Variants in CACNA2D3 observed in about 807,000 individuals in gnomAD.
CACNA2D3 encodes calcium voltage-gated channel auxiliary subunit alpha2delta 3, also known as voltage-dependent calcium channel subunit alpha-2/delta-3.
In CACNA2D3, 60 loss-of-function variants were observed where a neutral mutation model predicts 160.6. That is an observed-to-expected ratio of 0.37 (90% CI 0.30 to 0.46). The LOEUF (loss-of-function observed/expected upper bound fraction) is 0.46. Among genes scored for constraint, CACNA2D3 ranks in the 20% least tolerant of loss-of-function variants. The pLI is 1.00. For synonymous variants in CACNA2D3, 558 were observed against 492.9 expected, an observed-to-expected ratio of 1.13 and a Z score of -1.75; for missense variants, 1,205 against 1,365.0, an observed-to-expected ratio of 0.88 and a Z score of 1.85.
intron 2 of CACNA2D3, among the ~76,000 whole-genome samples, chr3:54,216,982 C>T (rs779617387): frequency 9.9e-5 from 15 of 152,140 alleles, no homozygotes; most frequent in Non-Finnish European, 1.5e-4. Flanking sequence ...GTGACAAGTG[C>T]GTGGAGAAGG....
chr3:54,661,096 G>C (rs567913154), intron 11 of CACNA2D3, among the ~76,000 whole-genome samples: 1 of 152,136 alleles, frequency 6.6e-6, no homozygotes, highest in Non-Finnish European at 1.5e-5. Context: ...GTAAGATGTC[G>C]AGGGAGGATT....
chr3:54,832,926 T>C (rs1214192485), intron 14 of CACNA2D3, among the ~76,000 whole-genome samples: 1 of 152,230 alleles, frequency 6.6e-6, no homozygotes, highest in Non-Finnish European at 1.5e-5. Context: ...CCTGTGTTGT[T>C]ATACTCTCTG....
rs188619197 is a variant in CACNA2D3 at position 54,309,082 on chromosome 3, A to C, written c.205-11360A>C. Among the ~76,000 whole-genome samples, 27 of 152,336 alleles carry C rather than the reference A, an allele frequency of 1.8e-4. No individual in the cohort carries two copies. The East Asian group carries it at 2.3e-3, about 13-fold the overall frequency. On this transcript the variant is annotated intron_variant, in intron 2 of 37. Coordinates refer to ENST00000474759, the MANE Select transcript of CACNA2D3 (RefSeq NM_018398.3). ...TTGTTTTGGCTGTGGGGTTGTGAGGATGTATGTATAGCGTAAATATTCTCA... is the reference window on the plus strand; with the variant it reads ...TTGTTTTGGCTGTGGGGTTGTGAGGCTGTATGTATAGCGTAAATATTCTCA...
At chr3:54,630,044 G>A (rs1378808217) in intron 10 of CACNA2D3, among the ~76,000 whole-genome samples, 1 of 152,136 alleles carries the variant, frequency 6.6e-6, no homozygotes, top group African/African-American at 2.4e-5. Context: ...TTAAGGTAAT[G>A]GTAGCAAAGC....
At chr3:54,239,349 G>A (rs376491629) in intron 2 of CACNA2D3, among the ~76,000 whole-genome samples, 15 of 152,224 alleles carry the variant, frequency 9.9e-5, no homozygotes, top group African/African-American at 3.6e-4. Context: ...TATCCCAAAG[G>A]AAGGGGTGTA....
chr3:54,276,087 C>A (rs1001990007), intron 2 of CACNA2D3, among the ~76,000 whole-genome samples: 2 of 152,100 alleles, frequency 1.3e-5, no homozygotes, highest in African/African-American at 2.4e-5. Context: ...CCTGAAGCCC[C>A]GATTGAATGC....
chr3:54,898,205 C>G (rs1282585010), intron 26 of CACNA2D3, among the ~76,000 whole-genome samples: 1 of 135,910 alleles, frequency 7.4e-6, no homozygotes, highest in Non-Finnish European at 1.5e-5. Context: ...TCCTCTCTCT[C>G]TCTCTTCTCC....
At chr3:54,723,494 G>A (rs954177451) in intron 11 of CACNA2D3, among the ~76,000 whole-genome samples, 5 of 152,262 alleles carry the variant, frequency 3.3e-5, no homozygotes, top group Admixed American at 2.6e-4. Context: ...ACCCAGTTTT[G>A]TGCTTGAAAC....
intron 3 of CACNA2D3, among the ~76,000 whole-genome samples, chr3:54,330,012 A>C: frequency 6.6e-6 from 1 of 152,156 alleles, no homozygotes. Context: ...TTAGGAATTC[A>C]TTGGCATTTC....
In CACNA2D3 at chr3:54,682,359, G is replaced by T. The variant is rs572271867; in HGVS notation, c.1167+40118G>T. On this transcript the variant is annotated intron_variant, in intron 11 of 37. Coordinates refer to ENST00000474759, the MANE Select transcript of CACNA2D3 (RefSeq NM_018398.3). ...GAATAGAATTAGCCCGGGCGTGGTG[G>T]CTCACGCCTGTAATCCCAGCACTTT... Among the ~76,000 whole-genome samples the T allele has an allele frequency of 3.0e-4, 46 of 152,282 alleles. No homozygotes were observed. The South Asian group carries it at 9.3e-3, about 31-fold the overall frequency.
Position 54,632,463 on chromosome 3 carries a change from T to G in CACNA2D3, c.1053+4587T>G, listed in dbSNP as rs975721959. 4 of 152,340 alleles carry G rather than the reference T, an allele frequency of 2.6e-5. No individual in the cohort carries two copies. The East Asian group carries it at 7.7e-4, about 29-fold the overall frequency. The allele number at this position is 152,340 out of a possible 1,614,324, so 9.4% of individuals were successfully genotyped here. ...CTGAGTTTATTCAATGGTGCGAAGC[T>G]GTGTTTAATGCAGTCTCCCCAGAAC... On this transcript the variant is annotated intron_variant, in intron 10 of 37. Transcript: ENST00000474759.
chr3:54,802,415 C>G (rs1703012838), intron 13 of CACNA2D3, among the ~76,000 whole-genome samples: 1 of 152,092 alleles, frequency 6.6e-6, no homozygotes, highest in Non-Finnish European at 1.5e-5. Context: ...AATATGATGT[C>G]CCATGTGTTT....
At chr3:54,218,340 T>C (rs1701500770) in intron 2 of CACNA2D3, among the ~76,000 whole-genome samples, 1 of 152,174 alleles carries the variant, frequency 6.6e-6, no homozygotes, top group South Asian at 2.1e-4. Flanking sequence ...CAGCTGATGC[T>C]GCCCTGTGGG....
intron 11 of CACNA2D3, among the ~76,000 whole-genome samples, chr3:54,702,781 C>T (rs113909154): frequency 6.6e-6 from 1 of 152,230 alleles, no homozygotes; most frequent in South Asian, 2.1e-4. Context: ...AAGACACATG[C>T]TTTCATGAGT....
intron 27 of CACNA2D3, among the ~76,000 whole-genome samples, chr3:54,963,135 G>T (rs1702070089): frequency 6.6e-6 from 1 of 152,148 alleles, no homozygotes; most frequent in Admixed American, 6.6e-5. Context: ...CTGGAGGGTG[G>T]TTGTTGCATT....
intron 2 of CACNA2D3, among the ~76,000 whole-genome samples, chr3:54,287,355 C>G (rs1268555094): frequency 6.6e-6 from 1 of 151,976 alleles, no homozygotes; most frequent in African/African-American, 2.4e-5. Context: ...GTAAAGGGAT[C>G]AATTCAACAA....
At chr3:55,034,670 C>T (rs1345335827) in intron 35 of CACNA2D3, among the ~76,000 whole-genome samples, 3 of 152,006 alleles carry the variant, frequency 2.0e-5, no homozygotes, top group African/African-American at 7.2e-5. Flanking sequence ...ATTATAAATA[C>T]TATTTTATAA....
intron 29 of CACNA2D3, among the ~76,000 whole-genome samples, chr3:54,979,702 CATTTCAGCTCT>C (rs1194695374): frequency 6.6e-6 from 1 of 152,140 alleles, no homozygotes; most frequent in Non-Finnish European, 1.5e-5. Flanking sequence ...CTGTCATGAA[CATTTCAGCTCT>C]CTGTGAGAGT....
intron 14 of CACNA2D3, among the ~76,000 whole-genome samples, chr3:54,827,937 C>G (rs1438696212): frequency 2.0e-5 from 3 of 152,192 alleles, no homozygotes; most frequent in Non-Finnish European, 4.4e-5. Flanking sequence ...TTACACAATT[C>G]CCAGCATTTC....
Sources: gnomAD v4.1 joint callset for allele counts (sites outside exome capture counted in the v4.1 genomes callset) on GRCh38, gnomAD v4.1.1 for gene constraint, MANE v1.5 for transcripts, NCBI Gene and HGNC (gene_info 2026-07-23, HGNC 2026-07-21) for gene names.